The following RBFOX3 variants were observed in gnomAD, a reference collection of about 807,000 sequenced individuals.
RBFOX3 encodes the protein RNA binding fox-1 homolog 3.
In RBFOX3, 17 loss-of-function variants were observed where a neutral mutation model predicts 48.7. The ratio of observed to expected loss-of-function variants is 0.35; its 90% CI spans 0.24 to 0.52. The LOEUF (loss-of-function observed/expected upper bound fraction) is 0.52, where lower values mean the gene tolerates loss of function less well. Ranked by LOEUF, RBFOX3 falls within the 20% of genes least tolerant of loss-of-function variation. The pLI is 0.94. For synonymous variants in RBFOX3, 212 were observed against 209.5 expected, an observed-to-expected ratio of 1.01 and a Z score of -0.10; for missense variants, 382 against 497.5, an observed-to-expected ratio of 0.77 and a Z score of 2.21.
intron 1 of RBFOX3, among the ~76,000 whole-genome samples, chr17:79,559,034 G>C (rs1456723560): frequency 1.3e-5 from 2 of 152,126 alleles, no homozygotes; most frequent in Admixed American, 1.3e-4. Context: ...GAGACCCTGG[G>C]AGCCCTGGCC....
chr17:79,146,172 C>T (rs1417417601), intron 4 of RBFOX3, among the ~76,000 whole-genome samples: 1 of 152,168 alleles, frequency 6.6e-6, no homozygotes, highest in Non-Finnish European at 1.5e-5. Flanking sequence ...TCACCTCCTG[C>T]TGTGCGCCCC....
rs1231322144 is a variant in RBFOX3 at position 79,089,374 on chromosome 17, ATAATCT to A, written c.*1503_*1508del. 2 of 152,778 alleles carry A rather than the reference ATAATCT, an allele frequency of 1.3e-5. No homozygotes were observed. The highest frequency in any genetic ancestry group is 1.9e-4 in the East Asian group (1 of 5,174). 9.5% of individuals were successfully genotyped at this position (152,778 alleles called of 1,614,324 possible). A position where few individuals can be genotyped will look rare whatever the true frequency, so the allele number is the denominator to read the frequency against. On this transcript the variant is annotated 3_prime_UTR_variant, in exon 15 of 15. Coordinates refer to ENST00000693108, the MANE Select transcript of RBFOX3 (RefSeq NM_001350451.2). Reference sequence around the variant, plus strand: ...GGTTTGAAGAAAGAAATCTTTATTAATAATCTTAATAATACTGTTAGTTTGAATGGT... The same window carrying A: ...GGTTTGAAGAAAGAAATCTTTATTAATAATAATACTGTTAGTTTGAATGGT...
intron 2 of RBFOX3, among the ~76,000 whole-genome samples, chr17:79,384,514 CCT>C (rs778791195): frequency 6.6e-6 from 1 of 152,182 alleles, no homozygotes; most frequent in Non-Finnish European, 1.5e-5. Context: ...TCAAAATGCC[CCT>C]CTCTGTGGTA....
At chr17:79,612,518 G>A (rs1478404604), upstream of RBFOX3, among the ~76,000 whole-genome samples, 1 of 152,270 alleles carries the variant, frequency 6.6e-6, no homozygotes, top group Non-Finnish European at 1.5e-5. Flanking sequence ...GACAGTGGCC[G>A]CTGCCCACTT....
chr17:79,306,772 G>A (rs894752340), intron 3 of RBFOX3, among the ~76,000 whole-genome samples: 6 of 152,192 alleles, frequency 3.9e-5, no homozygotes, highest in Admixed American at 1.3e-4. Context: ...CTCCCGTGCC[G>A]GGTGTCCTCC....
intron 3 of RBFOX3, among the ~76,000 whole-genome samples, chr17:79,295,172 G>A (rs1340338609): frequency 6.6e-6 from 1 of 152,212 alleles, no homozygotes; most frequent in Non-Finnish European, 1.5e-5. Flanking sequence ...CCTGGCACCA[G>A]TGGTTGGGGC....
chr17:79,662,522 G>C, the RBFOX3 span, among the ~76,000 whole-genome samples: 3 of 152,070 alleles, frequency 2.0e-5, no homozygotes, highest in Non-Finnish European at 4.4e-5. Flanking sequence ...TAACGGGACC[G>C]CCTTTGTCAT....
intron 1 of RBFOX3, among the ~76,000 whole-genome samples, chr17:79,554,510 C>CTCTCCA: frequency 3.9e-5 from 6 of 152,126 alleles, no homozygotes; most frequent in Non-Finnish European, 5.9e-5. Flanking sequence ...CGACCTGGCC[C>CTCTCCA]TGCTGGCCCT....
At chr17:79,505,436 C>T (rs1306323282) in intron 1 of RBFOX3, among the ~76,000 whole-genome samples, 1 of 152,150 alleles carries the variant, frequency 6.6e-6, no homozygotes, top group Non-Finnish European at 1.5e-5. Context: ...CCTTCAGGGT[C>T]CCCAGTGGGA....
chr17:79,564,667 C>T (rs1188926509), intron 1 of RBFOX3, among the ~76,000 whole-genome samples: 1 of 152,202 alleles, frequency 6.6e-6, no homozygotes, highest in South Asian at 2.1e-4. Flanking sequence ...ACAACCCAAA[C>T]AGCCGACAGT....
intron 3 of RBFOX3, among the ~76,000 whole-genome samples, chr17:79,304,346 A>G (rs2075786322): frequency 6.6e-6 from 1 of 151,500 alleles, no homozygotes; most frequent in African/African-American, 2.4e-5. Context: ...ATGTATATAT[A>G]TACACACACG....
chr17:79,378,317 G>A (rs1051197673), intron 2 of RBFOX3, among the ~76,000 whole-genome samples: 1 of 152,178 alleles, frequency 6.6e-6, no homozygotes, highest in Admixed American at 6.5e-5. Context: ...GGACAGAGCA[G>A]CTGACTCCCT....
At chr17:79,545,271 G>A (rs74809002) in intron 1 of RBFOX3, among the ~76,000 whole-genome samples, 30 of 151,968 alleles carry the variant, frequency 2.0e-4, no homozygotes, top group Admixed American at 5.9e-4. Flanking sequence ...CCTCTCCCTC[G>A]CCCCTGCTAG....
At chr17:79,572,459 C>T (rs2092709510) in intron 1 of RBFOX3, among the ~76,000 whole-genome samples, 2 of 151,922 alleles carry the variant, frequency 1.3e-5, no homozygotes, top group South Asian at 2.1e-4. Context: ...GAGGCCGATC[C>T]CACCCCTCTT....
chr17:79,341,167 C>T (rs1359136323), intron 2 of RBFOX3, among the ~76,000 whole-genome samples: 1 of 152,212 alleles, frequency 6.6e-6, no homozygotes, highest in African/African-American at 2.4e-5. Context: ...AGTGTGTACA[C>T]AGTCATGCAC....
chr17:79,559,898 G>GT (rs2092088441), intron 1 of RBFOX3, among the ~76,000 whole-genome samples: 1 of 145,242 alleles, frequency 6.9e-6, no homozygotes, highest in South Asian at 2.3e-4. Flanking sequence ...AGGTGGATGG[G>GT]TGGGTGGGTG....
chr17:79,579,813 C>T (rs1413136770), intron 1 of RBFOX3, among the ~76,000 whole-genome samples: 1 of 126,666 alleles, frequency 7.9e-6, no homozygotes, highest in African/African-American at 3.1e-5. Flanking sequence ...GGTGGGGAGC[C>T]ACTGGCGCTG....
upstream of RBFOX3, among the ~76,000 whole-genome samples, chr17:79,611,122 C>T (rs1192236302): frequency 2.0e-5 from 1 of 48,904 alleles, no homozygotes; most frequent in African/African-American, 3.2e-5. Context: ...CTCCTCTCTC[C>T]GCCCTCCTTC....
chr17:79,278,833 G>A (rs1268533662), intron 3 of RBFOX3, among the ~76,000 whole-genome samples: 1 of 152,222 alleles, frequency 6.6e-6, no homozygotes, highest in Non-Finnish European at 1.5e-5. Context: ...GTGATCTCCT[G>A]GCCCAGCCCC....
Sources: allele counts gnomAD v4.1 joint callset (sites outside exome capture counted in the v4.1 genomes callset), GRCh38; gene constraint gnomAD v4.1.1; transcripts MANE v1.5; gene names NCBI Gene and HGNC (gene_info 2026-07-23, HGNC 2026-07-21).